Variants in CRTC1 observed in about 807,000 individuals in gnomAD.
CRTC1 encodes CREB-regulated transcription coactivator 1.
CRTC1 carries 18 observed loss-of-function variants against 66.1 expected under a neutral mutation model. That is an observed-to-expected ratio of 0.27 (90% CI 0.19 to 0.40). CRTC1 has a LOEUF of 0.40. Ranked by LOEUF, CRTC1 falls within the 10% of genes least tolerant of loss-of-function variation. The probability of loss-of-function intolerance (pLI) is 1.00; values close to 1 mark genes in which losing one functional copy is unlikely to be tolerated. For missense variants in CRTC1, 669 were observed against 887.9 expected (o/e 0.75, Z 3.13); for synonymous variants, 416 against 398.8 (o/e 1.04, Z -0.51).
intron 1 of CRTC1, among the ~76,000 whole-genome samples, chr19:18,729,194 G>C (rs2053829639): frequency 1.3e-5 from 2 of 149,700 alleles, no homozygotes; most frequent in African/African-American, 4.9e-5. Flanking sequence ...GGGAGGCCGA[G>C]GTGGGCGGAT....
intron 1 of CRTC1, among the ~76,000 whole-genome samples, chr19:18,729,164 G>A (rs1225237696): frequency 2.1e-5 from 3 of 144,308 alleles, no homozygotes; most frequent in Non-Finnish European, 3.0e-5. Flanking sequence ...GGTGGCTCAC[G>A]CCTGTAATCC....
chr19:18,759,887 A>G (rs1334981962), intron 7 of CRTC1, 121 bp from the exon 8 acceptor site: 1 of 829,312 alleles, frequency 1.2e-6, no homozygotes, highest in Non-Finnish European at 1.9e-6. Context: ...TTTCCCAAGC[A>G]CACGGCACCT....
chr19:18,690,429 C>T (rs902334373), intron 1 of CRTC1, among the ~76,000 whole-genome samples: 1 of 152,180 alleles, frequency 6.6e-6, no homozygotes, highest in Non-Finnish European at 1.5e-5. Context: ...CCTCCATATA[C>T]AGGCAGGACT....
intron 1 of CRTC1, among the ~76,000 whole-genome samples, chr19:18,697,833 G>A (rs970900698): frequency 6.6e-6 from 1 of 152,276 alleles, no homozygotes; most frequent in African/African-American, 2.4e-5. Context: ...CATTTGGCAG[G>A]CATCCAACAG....
intron 1 of CRTC1, among the ~76,000 whole-genome samples, chr19:18,731,437 C>T (rs572178097): frequency 6.6e-6 from 1 of 152,216 alleles, no homozygotes; most frequent in Non-Finnish European, 1.5e-5. Flanking sequence ...ATGGGGGCAC[C>T]AGTCATTGGA....
chr19:18,691,040 A>T (rs1424252385), intron 1 of CRTC1, among the ~76,000 whole-genome samples: 1 of 151,128 alleles, frequency 6.6e-6, no homozygotes, highest in Non-Finnish European at 1.5e-5. Flanking sequence ...AAAAAAAAAA[A>T]AAAAAAGAAG....
Position 18,719,886 on chromosome 19 carries a change from G to A in CRTC1, c.127-23024G>A, listed in dbSNP as rs576683302. On this transcript the variant is annotated intron_variant, in intron 1 of 13. Coordinates refer to ENST00000321949, the MANE Select transcript of CRTC1 (RefSeq NM_015321.3). Reference sequence around the variant, plus strand: ...ACATTTTCAAGATGGGCACAGGCCCGCTCCGGGAAGGCCCCAGGCCCGTCC... The same window carrying A: ...ACATTTTCAAGATGGGCACAGGCCCACTCCGGGAAGGCCCCAGGCCCGTCC... 1.4e-4 allele frequency among the ~76,000 whole-genome samples: 21 copies of A among 152,334 alleles called. No individual in the cohort carries two copies. In the South Asian group the frequency reaches 3.3e-3, roughly 24 times the overall value.
chr19:18,773,695 T>G (rs1473986549), intron 11 of CRTC1, among the ~76,000 whole-genome samples: 1 of 152,204 alleles, frequency 6.6e-6, no homozygotes, highest in Non-Finnish European at 1.5e-5. Context: ...AGATAGCATT[T>G]TTGCCACACG....
At chr19:18,759,442 A>C (rs956114914) in intron 6 of CRTC1, 109 bp from the exon 7 acceptor site, 111 of 1,146,300 alleles carry the variant, frequency 9.7e-5, no homozygotes, top group Non-Finnish European at 1.3e-4. Context: ...CTCATGATGC[A>C]TCTCTGGGCT....
Position 18,760,282 on chromosome 19 carries a change from C to A in CRTC1, c.886+54C>A. 7.3e-7 allele frequency: 1 copy of A among 1,378,476 alleles called. No homozygotes were observed. Among genetic ancestry groups the A allele is most frequent in the South Asian group, 1.2e-5 (1 of 81,070 alleles). 85.4% of individuals were successfully genotyped at this position (1,378,476 alleles called of 1,614,324 possible). On this transcript the variant is annotated intron_variant, in intron 8 of 13. Coordinates refer to ENST00000321949, the MANE Select transcript of CRTC1 (RefSeq NM_015321.3). This position sits in a 1 kb window ranked among gnomAD's most constrained non-coding sequence, Gnocchi z 6.2. Reference sequence around the variant, plus strand: ...AGAGCACTGGCTTGTGGAGACAACACGGGCATCTGCAGGATGACTTGGCAG... The same window carrying A: ...AGAGCACTGGCTTGTGGAGACAACAAGGGCATCTGCAGGATGACTTGGCAG...
In CRTC1 at chr19:18,742,998, G is replaced by T. The variant is rs748737417; in HGVS notation, c.215G>T (p.Gly72Val). ...TCCCTGCCCAACGTGAACCAGATCG[G>T]GAGTGGCACCATGGACCTGCCCTTC... ...GGSLPNVNQI[G>V]SGTMDLPFQT... The change falls in exon 2 of 14, where the codon GGG becomes GTG. Residue 72 changes from glycine (G) to valine (V), a missense_variant. Coordinates refer to ENST00000321949, the MANE Select transcript of CRTC1 (RefSeq NM_015321.3). 1 of 1,613,076 alleles carries T rather than the reference G, an allele frequency of 6.2e-7. No individual in the cohort carries two copies. The highest frequency in any genetic ancestry group is 1.7e-5 in the Admixed American group (1 of 59,972).
chr19:18,688,111 T>C (rs985123257), intron 1 of CRTC1, among the ~76,000 whole-genome samples: 2 of 152,070 alleles, frequency 1.3e-5, no homozygotes, highest in East Asian at 3.9e-4. Flanking sequence ...GGCTGTGTTC[T>C]TGGGGAGCCA....
intron 1 of CRTC1, among the ~76,000 whole-genome samples, chr19:18,699,291 T>A (rs2053074864): frequency 6.6e-6 from 1 of 152,198 alleles, no homozygotes; most frequent in Admixed American, 6.5e-5. Context: ...TGGGAACATG[T>A]ACCGGCTGTT....
rs745713797 is a variant in CRTC1, at chr19:18,760,066, A to G, written c.724A>G (p.Thr242Ala). 1.2e-6 allele frequency: 2 copies of G among 1,612,632 alleles called. No individual in the cohort carries two copies. Among genetic ancestry groups the G allele is most frequent in the South Asian group, 2.2e-5 (2 of 91,010 alleles). Residue 242 changes from threonine to alanine, a missense_variant, in exon 8 of 14, where the codon ACA (threonine) becomes GCA (alanine). By Grantham distance (58) the Thr-to-Ala change is moderately conservative. Around this residue, in one of 8 missense-constraint regions of CRTC1, gnomAD observed 214 missense variants for 323.4 expected, o/e 0.66. Transcript: ENST00000321949. The surrounding 1 kb of genome is among the most constrained non-coding windows in gnomAD (Gnocchi z 6.2). ...TTALIPATHN[T>A]GGSLPDLTNI... ...AGCCCTGATCCCCGCCACCCACAAC[A>G]CAGGGGGGTCCCTGCCCGACCTGAC...
intron 6 of CRTC1, 126 bp from the exon 7 acceptor site, chr19:18,759,425 C>G: frequency 9.9e-7 from 1 of 1,010,484 alleles, no homozygotes; most frequent in Non-Finnish European, 1.5e-6. Context: ...CCCCAGCAAG[C>G]TTGGTTCTCA....
At chr19:18,686,920 T>C (rs997295140) in intron 1 of CRTC1, among the ~76,000 whole-genome samples, 12 of 151,860 alleles carry the variant, frequency 7.9e-5, no homozygotes, top group African/African-American at 2.9e-4. Context: ...GAGGCTGGGA[T>C]GCTGCCCAAC....
At chr19:18,701,098 G>T (rs1311000408) in intron 1 of CRTC1, among the ~76,000 whole-genome samples, 1 of 152,322 alleles carries the variant, frequency 6.6e-6, no homozygotes, top group Non-Finnish European at 1.5e-5. Flanking sequence ...AGGCGGCCTC[G>T]GCCTCTGTTC....
intron 1 of CRTC1, among the ~76,000 whole-genome samples, chr19:18,733,085 C>T (rs897582800): frequency 6.8e-6 from 1 of 148,044 alleles, no homozygotes; most frequent in Non-Finnish European, 1.5e-5. Flanking sequence ...AGACCTGTCT[C>T]TTAAAAAAAA....
In CRTC1 at chr19:18,778,505, A is replaced by C; in HGVS notation, c.*1123A>C. On this transcript the variant is annotated 3_prime_UTR_variant, in exon 14 of 14. Transcript: ENST00000321949. ...CGGCTTTTGGGTTTCACCCCAAGTT[A>C]TCTCAAAACAAAAGGGCTGGTCAGG... 1 of 231,564 alleles carries C rather than the reference A, an allele frequency of 4.3e-6. No homozygotes were observed. The highest frequency in any genetic ancestry group is 8.5e-6 in the Non-Finnish European group (1 of 116,994). 14.3% of individuals were successfully genotyped at this position (231,564 alleles called of 1,614,324 possible). A position where few individuals can be genotyped will look rare whatever the true frequency, so the allele number is the denominator to read the frequency against.
Sources: gnomAD v4.1 joint callset for allele counts (sites outside exome capture counted in the v4.1 genomes callset) on GRCh38, gnomAD v4.1.1 for gene constraint, gnomAD v4.1.1 regional missense constraint, Gnocchi (gnomAD v3.1) non-coding constraint, MANE v1.5 for transcripts, NCBI Gene and HGNC (gene_info 2026-07-23, HGNC 2026-07-21) for gene names.